Variants in SIL1 observed in about 807,000 individuals in gnomAD.
The protein encoded by SIL1 is nucleotide exchange factor SIL1.
In SIL1, 40 loss-of-function variants were observed where a neutral mutation model predicts 49.1. The observed-to-expected ratio is 0.81, with a 90% CI of 0.63 to 1.06. The LOEUF (loss-of-function observed/expected upper bound fraction) is 1.06, where lower values mean the gene tolerates loss of function less well. SIL1 is among the 50% of genes least tolerant of loss of function. SIL1 has a pLI of 0.00. For synonymous variants in SIL1, 253 were observed against 250.8 expected (o/e 1.01, Z -0.08); for missense variants, 500 against 572.6 (o/e 0.87, Z 1.29).
chr5:139,197,300 T>G (rs926496076), intron 1 of SIL1, among the ~76,000 whole-genome samples: 2 of 147,308 alleles, frequency 1.4e-5, no homozygotes, highest in African/African-American at 5.0e-5. Flanking sequence ...AAACTGTTTA[T>G]AAACACATCA....
At chr5:139,147,550 C>G (rs1036194935) in intron 1 of SIL1, among the ~76,000 whole-genome samples, 4 of 152,204 alleles carry the variant, frequency 2.6e-5, no homozygotes, top group Non-Finnish European at 5.9e-5. Context: ...TAACAATTCA[C>G]TGCCTCAGCA....
At chr5:138,982,044 T>A (rs574745902) in intron 7 of SIL1, among the ~76,000 whole-genome samples, 2 of 152,330 alleles carry the variant, frequency 1.3e-5, no homozygotes, top group South Asian at 4.1e-4. Context: ...AGTACTTACT[T>A]GGCCAGATTC....
intron 1 of SIL1, among the ~76,000 whole-genome samples, chr5:139,172,140 C>T (rs1286568871): frequency 6.6e-6 from 1 of 152,120 alleles, no homozygotes; most frequent in Non-Finnish European, 1.5e-5. Context: ...GACCAACATA[C>T]ACATTGTGAA....
intron 1 of SIL1, among the ~76,000 whole-genome samples, chr5:139,182,385 A>T (rs146815767): frequency 3.9e-4 from 59 of 152,340 alleles, no homozygotes; most frequent in Admixed American, 1.0e-3. Flanking sequence ...TGTCTCATTC[A>T]TCACTGTATT....
At chr5:139,066,351 C>A (rs932648915) in intron 3 of SIL1, among the ~76,000 whole-genome samples, 1 of 151,936 alleles carries the variant, frequency 6.6e-6, no homozygotes, top group South Asian at 2.1e-4. Flanking sequence ...TTTTGCCTGT[C>A]AAATTTCAAT....
chr5:139,128,749 C>G (rs1261873090), intron 1 of SIL1, among the ~76,000 whole-genome samples: 1 of 152,114 alleles, frequency 6.6e-6, no homozygotes, highest in African/African-American at 2.4e-5. Context: ...CTACCCAAAG[C>G]AACATACAGA....
chr5:139,195,340 C>T (rs1025075106), intron 1 of SIL1, among the ~76,000 whole-genome samples: 2 of 152,100 alleles, frequency 1.3e-5, no homozygotes, highest in African/African-American at 4.8e-5. Flanking sequence ...ATGTGTAATA[C>T]GTCATTTAAC....
chr5:139,078,238 G>A (rs1032123234), intron 3 of SIL1, among the ~76,000 whole-genome samples: 6 of 152,104 alleles, frequency 3.9e-5, no homozygotes, highest in East Asian at 1.9e-4. Flanking sequence ...GGGTCCAAGA[G>A]TTTGAGACCA....
At chr5:139,085,243 G>A (rs1770189587) in intron 3 of SIL1, among the ~76,000 whole-genome samples, 1 of 152,310 alleles carries the variant, frequency 6.6e-6, no homozygotes, top group East Asian at 1.9e-4. Flanking sequence ...CCCATGGCTA[G>A]AAAATGAAGT....
At chr5:139,061,409 C>G (rs537710554) in intron 3 of SIL1, among the ~76,000 whole-genome samples, 1 of 152,354 alleles carries the variant, frequency 6.6e-6, no homozygotes, top group Non-Finnish European at 1.5e-5. Context: ...CTGGAAACTT[C>G]CTGCTCCAGG....
At chr5:139,197,530 T>C (rs970057384) in intron 1 of SIL1, among the ~76,000 whole-genome samples, 8 of 152,218 alleles carry the variant, frequency 5.3e-5, no homozygotes, top group Non-Finnish European at 5.9e-5. Context: ...TCAAATGGCA[T>C]TCTAATTCCT....
At chr5:138,983,555 C>T (rs1332671529) in intron 7 of SIL1, among the ~76,000 whole-genome samples, 1 of 151,808 alleles carries the variant, frequency 6.6e-6, no homozygotes, top group Non-Finnish European at 1.5e-5. Flanking sequence ...CCTAGTAGTC[C>T]AGAGGCTGGA....
intron 2 of SIL1, among the ~76,000 whole-genome samples, chr5:139,121,961 A>G (rs971383288): frequency 4.6e-5 from 7 of 152,136 alleles, no homozygotes; most frequent in Admixed American, 4.6e-4. Context: ...TTCCTATCCC[A>G]TTTTTAAACC....
intron 1 of SIL1, among the ~76,000 whole-genome samples, chr5:139,184,030 C>G (rs1752037196): frequency 6.6e-6 from 1 of 152,174 alleles, no homozygotes; most frequent in Non-Finnish European, 1.5e-5. Flanking sequence ...AAAGGTATTG[C>G]CCCATTGAAG....
At chr5:139,036,445 G>A (rs551285077) in intron 5 of SIL1, among the ~76,000 whole-genome samples, 128 of 152,194 alleles carry the variant, frequency 8.4e-4, no homozygotes, top group African/African-American at 2.8e-3. Flanking sequence ...TGTCAAAATA[G>A]CAAACACATG....
chr5:139,132,623 G>C (rs1477707120), intron 1 of SIL1, among the ~76,000 whole-genome samples: 1 of 152,204 alleles, frequency 6.6e-6, no homozygotes, highest in African/African-American at 2.4e-5. Flanking sequence ...GGAGAAAGGT[G>C]TGAGATAGTT....
intron 4 of SIL1, among the ~76,000 whole-genome samples, chr5:139,048,855 T>C (rs1391182023): frequency 6.6e-6 from 1 of 152,212 alleles, no homozygotes; most frequent in Non-Finnish European, 1.5e-5. Context: ...ACATGGTTGT[T>C]AGAAAGGAGT....
At chr5:139,123,489 C>A (rs1367488369) in intron 2 of SIL1, among the ~76,000 whole-genome samples, 3 of 152,158 alleles carry the variant, frequency 2.0e-5, no homozygotes, top group Non-Finnish European at 2.9e-5. Context: ...TGAGGAAAGC[C>A]CAAAGCACCT....
intron 1 of SIL1, among the ~76,000 whole-genome samples, chr5:139,167,094 G>A (rs918701242): frequency 6.6e-6 from 1 of 152,134 alleles, no homozygotes; most frequent in South Asian, 2.1e-4. Context: ...TTACAGGCGT[G>A]AGCCACCGCG....
Sources: allele counts gnomAD v4.1 joint callset (sites outside exome capture counted in the v4.1 genomes callset), GRCh38; gene constraint gnomAD v4.1.1; transcripts MANE v1.5; gene names NCBI Gene and HGNC (gene_info 2026-07-23, HGNC 2026-07-21).